MIB2: variants seen among roughly 807,000 people sequenced by gnomAD.
The protein encoded by MIB2 is E3 ubiquitin-protein ligase MIB2.
A neutral mutation model predicts 96.6 loss-of-function variants in MIB2; 78 were observed. The ratio of observed to expected loss-of-function variants is 0.81; its 90% CI spans 0.67 to 0.97. The LOEUF is 0.97. MIB2 is among the 50% of genes least tolerant of loss of function. The pLI is 0.00. For missense variants in MIB2, 1,543 were observed against 1,424.0 expected (o/e 1.08, Z -1.35); for synonymous variants, 820 against 629.5 (o/e 1.30, Z -4.53).
At position 1,628,032 on chromosome 1, in the gene MIB2, A is replaced by ACACGCCCCTGCACTCCGC; in HGVS notation, c.1697_1714dup (p.Thr566_Ala571dup). On this transcript the variant is annotated inframe_insertion, in exon 14 of 20. Transcript: ENST00000355826. ...CCGCCCCAGCAGGACGCCCACTCGG[A>ACACGCCCCTGCACTCCGC]CACGCCCCTGCACTCCGCCATCTCG... 1 of 1,612,762 alleles carries ACACGCCCCTGCACTCCGC rather than the reference A, an allele frequency of 6.2e-7. No homozygotes were observed. Among genetic ancestry groups the ACACGCCCCTGCACTCCGC allele is most frequent in the Non-Finnish European group, 8.5e-7 (1 of 1,179,836 alleles).
At chr1:1,624,707 G>A (rs1644572284) in intron 4 of MIB2, 88 bp from the exon 5 acceptor site, 6 of 1,255,486 alleles carry the variant, frequency 4.8e-6, no homozygotes, top group South Asian at 1.3e-5. Flanking sequence ...CAGGGGGCCT[G>A]CTCCACTGCA....
intron 2 of MIB2, among the ~76,000 whole-genome samples, chr1:1,621,720 G>C (rs1644274046): frequency 6.6e-6 from 1 of 152,368 alleles, no homozygotes; most frequent in Admixed American, 6.5e-5. Flanking sequence ...GAGCATTGGA[G>C]AGGCCAAGCT....
At position 1,625,467 on chromosome 1, in the gene MIB2, T is replaced by TGCC; in HGVS notation, c.864+39_864+40insGCC. The TGCC allele has an allele frequency of 3.9e-6, 6 of 1,538,612 alleles. No individual in the cohort carries two copies. Among genetic ancestry groups the TGCC allele is most frequent in the Non-Finnish European group, 5.3e-6 (6 of 1,134,368 alleles). On this transcript the variant is annotated intron_variant, in intron 7 of 19. Transcript: ENST00000355826. The surrounding 1 kb of genome is among the most constrained non-coding windows in gnomAD (Gnocchi z 5.0). The stretch of plus-strand genomic sequence containing the variant: ...CCGTGGAGCCCTGTGTGCCCTGCCC[T>TGCC]CCCAGCCCTCCGCCCCCTCAGCCCC...
At chr1:1,624,268 G>T (rs1378297364) in intron 4 of MIB2, 4 of 446,114 alleles carry the variant, frequency 9.0e-6, no homozygotes, top group Non-Finnish European at 1.6e-5. Flanking sequence ...TCAGCTCGGG[G>T]AGAATCTAGC....
In MIB2 at chr1:1,626,323, C is replaced by G. The variant is rs1175936052; in HGVS notation, c.973-327C>G. On this transcript the variant is annotated intron_variant, in intron 8 of 19. Transcript: ENST00000355826. The surrounding 1 kb of genome is among the most constrained non-coding windows in gnomAD (Gnocchi z 5.3). ...TCCTGGGGCCCCACCCCCACGCTGG[C>G]TCACGGGCCCTGGCCATGTTGCCTG... 2.5e-6 allele frequency: 1 copy of G among 396,786 alleles called. No individual in the cohort carries two copies. Among genetic ancestry groups the G allele is most frequent in the East Asian group, 4.2e-5 (1 of 23,686 alleles). 24.6% of individuals were successfully genotyped at this position (396,786 alleles called of 1,614,324 possible).
chr1:1,626,956 G>T lies in MIB2; in HGVS notation c.1197G>T (p.Glu399Asp), dbSNP rs998215116. The change falls in exon 10 of 20, where the codon GAG (glutamate) becomes GAT (aspartate). Residue 399 changes from glutamate (E) to aspartate (D), a missense_variant. Coordinates refer to ENST00000355826, the MANE Select transcript of MIB2 (RefSeq NM_001170687.4). This position sits in a 1 kb window ranked among gnomAD's most constrained non-coding sequence, Gnocchi z 5.3. The part of the protein sequence containing the change: ...PSCLVAYRPE[E>D]DANLDVAERA... ...GCCTGGTGGCCTACCGGCCCGAGGA[G>T]GATGCCAACCTGGACGTGGCCGAGC... 5 of 1,611,438 alleles carry T rather than the reference G, an allele frequency of 3.1e-6. No individual in the cohort carries two copies. The highest frequency in any genetic ancestry group is 4.2e-6 in the Non-Finnish European group (5 of 1,179,618).
In MIB2 at chr1:1,616,292, C is replaced by T. The variant is rs958189108; in HGVS notation, c.-129-216C>T. ...CCTCCTGACGTCTGCGAGCCGCGGC[C>T]GCCAGACCCCGGGCGCACGCAATTA... On this transcript the variant is annotated intron_variant, in intron 1 of 19. Coordinates refer to ENST00000355826, the MANE Select transcript of MIB2 (RefSeq NM_001170687.4). 7.6e-5 allele frequency: 31 copies of T among 410,276 alleles called. 1 individual carries two copies. The Middle Eastern group carries it at 2.3e-3, about 30-fold the overall frequency. The allele number at this position is 410,276 out of a possible 1,614,324, so 25.4% of individuals were successfully genotyped here.
rs1645090433 is a variant in MIB2 at position 1,628,983 on chromosome 1, C to T, written c.2203-150C>T. ...GAGCTCACCTAGCAGGGCGCCCCTC[C>T]TGCCTGTCCCACTTGGGTTCCGGAA... is the stretch of plus-strand genomic sequence containing the variant. On this transcript the variant is annotated intron_variant, in intron 16 of 19. Transcript: ENST00000355826. 1.1e-5 allele frequency: 10 copies of T among 898,424 alleles called. No homozygotes were observed. In the South Asian group the frequency reaches 1.9e-4, roughly 17 times the overall value. The allele number at this position is 898,424 out of a possible 1,614,324, so 55.7% of individuals were successfully genotyped here.
chr1:1,618,730 C>G (rs1036831033), intron 2 of MIB2: 1 of 152,374 alleles, frequency 6.6e-6, no homozygotes, highest in East Asian at 1.9e-4. Flanking sequence ...GACCCCACAG[C>G]CCCCACCTCT....
rs1027968678 is a variant in MIB2 at position 1,625,798 on chromosome 1, G to A, written c.972+145G>A. On this transcript the variant is annotated intron_variant, in intron 8 of 19. Coordinates refer to ENST00000355826, the MANE Select transcript of MIB2 (RefSeq NM_001170687.4). The surrounding 1 kb of genome is among the most constrained non-coding windows in gnomAD (Gnocchi z 5.0). ...CCTGAAGGAAGGGGAGGGACTGGTG[G>A]GTGGAGGTGGGTGGGGTCAAGGAGA... 2.3e-5 allele frequency: 15 copies of A among 658,276 alleles called. No individual in the cohort carries two copies. In the Admixed American group the frequency reaches 2.7e-4, roughly 12 times the overall value. The allele number at this position is 658,276 out of a possible 1,614,324, so 40.8% of individuals were successfully genotyped here. A position where few individuals can be genotyped will look rare whatever the true frequency, so the allele number is the denominator to read the frequency against.
At chr1:1,620,686 G>A (rs964944873) in intron 2 of MIB2, among the ~76,000 whole-genome samples, 1 of 152,162 alleles carries the variant, frequency 6.6e-6, no homozygotes, top group Non-Finnish European at 1.5e-5. Context: ...AGGCTGGAGT[G>A]GGGGAGCTCA....
intron 4 of MIB2, among the ~76,000 whole-genome samples, chr1:1,624,436 C>T (rs1644548033): frequency 6.6e-6 from 1 of 152,198 alleles, no homozygotes; most frequent in Non-Finnish European, 1.5e-5. Context: ...ATGCTGAGCC[C>T]ACCTCTGGGC....
chr1:1,615,461 T>C (rs907024887), upstream of MIB2: 265 of 1,515,528 alleles, frequency 1.7e-4, no homozygotes, highest in South Asian at 3.4e-4. Flanking sequence ...GGCGTGGCCA[T>C]GGCGGGGGCG....
rs1644764253 is a variant in MIB2, at chr1:1,626,379, A to AGCCACCTCGGCTTCACACCTGCCC, written c.973-270_973-247dup. ...GGTCAGCGTACAGCTTCCCAGGGCC[A>AGCCACCTCGGCTTCACACCTGCCC]GCCACCTCGGCTTCACACCTGCCCA... On this transcript the variant is annotated intron_variant, in intron 8 of 19. Coordinates refer to ENST00000355826, the MANE Select transcript of MIB2 (RefSeq NM_001170687.4). This position sits in a 1 kb window ranked among gnomAD's most constrained non-coding sequence, Gnocchi z 5.3. 4 of 487,368 alleles carry AGCCACCTCGGCTTCACACCTGCCC rather than the reference A, an allele frequency of 8.2e-6. No homozygotes were observed. Among genetic ancestry groups the AGCCACCTCGGCTTCACACCTGCCC allele is most frequent in the Admixed American group, 7.6e-5 (2 of 26,372 alleles). 30.2% of individuals were successfully genotyped at this position (487,368 alleles called of 1,614,324 possible). A position where few individuals can be genotyped will look rare whatever the true frequency, so the allele number is the denominator to read the frequency against.
In MIB2 at chr1:1,625,476, T is replaced by G; in HGVS notation, c.864+48T>G. On this transcript the variant is annotated intron_variant, in intron 7 of 19. Coordinates refer to ENST00000355826, the MANE Select transcript of MIB2 (RefSeq NM_001170687.4). This position sits in a 1 kb window ranked among gnomAD's most constrained non-coding sequence, Gnocchi z 5.0. ...CCTGTGTGCCCTGCCCTCCCAGCCC[T>G]CCGCCCCCTCAGCCCCTTCCTCCCC... The G allele has an allele frequency of 1.1e-6, 1 of 875,662 alleles. No homozygotes were observed. The highest frequency in any genetic ancestry group is 1.7e-6 in the Non-Finnish European group (1 of 598,908). The allele number at this position is 875,662 out of a possible 1,614,324, so 54.2% of individuals were successfully genotyped here. A position where few individuals can be genotyped will look rare whatever the true frequency, so the allele number is the denominator to read the frequency against.
In MIB2 at chr1:1,624,800, C is replaced by T; in HGVS notation, c.425C>T (p.Thr142Ile). ...ATTTGTGAACCCTCTTGCAGTGTCA[C>T]ACTGAGTCCCCGCCAGGGCCTCCCG... ...RYETAHSRPV[T>I]LSPRQGLPRI... Residue 142 changes from threonine (T) to isoleucine (I), a missense_variant, in exon 5 of 20, where the codon ACA becomes ATA. Transcript: ENST00000355826. 2 of 1,612,722 alleles carry T rather than the reference C, an allele frequency of 1.2e-6. No individual in the cohort carries two copies. Among genetic ancestry groups the T allele is most frequent in the Non-Finnish European group, 1.7e-6 (2 of 1,179,856 alleles).
chr1:1,626,729 G>C lies in MIB2; in HGVS notation c.1052G>C (p.Gly351Ala), dbSNP rs573967631. Residue 351 changes from glycine (G) to alanine (A), a missense_variant, in exon 9 of 20, where the codon GGC becomes GCC. By Grantham distance (60) the Gly-to-Ala change is moderately conservative (BLOSUM62 0). Coordinates refer to ENST00000355826, the MANE Select transcript of MIB2 (RefSeq NM_001170687.4). The surrounding 1 kb of genome is among the most constrained non-coding windows in gnomAD (Gnocchi z 5.3). ...GTGAAGCGGCTGCAGGCTGGGCATG[G>C]CGAGTGGACGGACGACATGGCCCCT... ...DTVKRLQAGH[G>A]EWTDDMAPAL... The C allele has an allele frequency of 1.3e-6, 2 of 1,598,932 alleles. No homozygotes were observed. Among genetic ancestry groups the C allele is most frequent in the Non-Finnish European group, 1.7e-6 (2 of 1,173,358 alleles).
Position 1,627,092 on chromosome 1 carries a change from T to C in MIB2, c.1259T>C (p.Leu420Pro). ...RENKSSLSVALDKLRAQKSDP... is the reference protein window; with the variant it reads ...RENKSSLSVAPDKLRAQKSDP... ...CCCCCAGGCTCACTGAGCGTGGCCC[T>C]GGACAAGCTTCGGGCCCAGAAGAGT... The change falls in exon 11 of 20, where the codon CTG (leucine) becomes CCG (proline). Residue 420 changes from leucine (L) to proline (P), a missense_variant. By Grantham distance (98) the Leu-to-Pro change is moderately conservative. Coordinates refer to ENST00000355826, the MANE Select transcript of MIB2 (RefSeq NM_001170687.4). The C allele has an allele frequency of 6.2e-7, 1 of 1,600,224 alleles. No individual in the cohort carries two copies. Among genetic ancestry groups the C allele is most frequent in the Non-Finnish European group, 8.5e-7 (1 of 1,173,872 alleles).
chr1:1,623,889 C>T lies in MIB2; in HGVS notation c.363C>T (p.His121=), dbSNP rs1251389273. 19 of 1,612,046 alleles carry T rather than the reference C, an allele frequency of 1.2e-5. No individual in the cohort carries two copies. Among genetic ancestry groups the T allele is most frequent in the African/African-American group, 2.7e-5 (2 of 74,916 alleles). Reference sequence around the variant, plus strand: ...ACCTCTGCACGCAGTGCTACATGCACAACAAGCATGAGCTCGCCCACGCCT... The same window carrying T: ...ACCTCTGCACGCAGTGCTACATGCATAACAAGCATGAGCTCGCCCACGCCT... The part of the protein sequence containing the change: ...DYDLCTQCYM[H]NKHELAHAFD... Residue 121 remains histidine (H), a synonymous_variant, in exon 4 of 20, where the codon CAC becomes CAT. Transcript: ENST00000355826.
Sources: gnomAD v4.1 joint callset for allele counts (sites outside exome capture counted in the v4.1 genomes callset) on GRCh38, gnomAD v4.1.1 for gene constraint, Gnocchi (gnomAD v3.1) non-coding constraint, MANE v1.5 for transcripts, NCBI Gene and HGNC (gene_info 2026-07-23, HGNC 2026-07-21) for gene names.